The following RIC1 variants were observed in gnomAD, a reference collection of about 807,000 sequenced individuals.
The protein encoded by RIC1 is guanine nucleotide exchange factor subunit RIC1.
In RIC1, 88 loss-of-function variants were observed where a neutral mutation model predicts 169.0. The ratio of observed to expected loss-of-function variants is 0.52; its 90% CI spans 0.44 to 0.62. The LOEUF is 0.62. RIC1 is among the 20% of genes least tolerant of loss of function. The pLI, the probability that RIC1 is intolerant of heterozygous loss-of-function variation, is 0.00. For missense variants in RIC1, 1,877 were observed against 1,725.5 expected (o/e 1.09, Z -1.56); for synonymous variants, 790 against 601.5 (o/e 1.31, Z -4.59).
chr9:5,631,860 A>T (rs1309841043), intron 1 of RIC1, among the ~76,000 whole-genome samples: 1 of 152,068 alleles, frequency 6.6e-6, no homozygotes, highest in Non-Finnish European at 1.5e-5. Flanking sequence ...TAATTTGTAA[A>T]CTTCCTGAAA....
intron 2 of RIC1, among the ~76,000 whole-genome samples, chr9:5,679,625 G>T (rs1348958995): frequency 2.6e-5 from 4 of 152,100 alleles, no homozygotes; most frequent in East Asian, 1.9e-4. Context: ...GTTCACTCAT[G>T]ATTTGGCTCT....
Position 5,757,449 on chromosome 9 carries a change from C to G in RIC1, c.1990C>G (p.Gln664Glu). The change falls in exon 17 of 26, where the codon CAG becomes GAG. Residue 664 changes from glutamine (Q) to glutamate (E), a missense_variant and splice_region_variant. By Grantham distance (29) the Gln-to-Glu change is conservative. Coordinates refer to ENST00000414202, the MANE Select transcript of RIC1 (RefSeq NM_020829.4). ...ENGITLKMPQ[Q>E]ARGAESIMLN... Reference sequence around the variant, plus strand: ...TGGAATCACCTTGAAAATGCCACAGCAGGTACCACTCCATTATCAAAGGTC... The same window carrying G: ...TGGAATCACCTTGAAAATGCCACAGGAGGTACCACTCCATTATCAAAGGTC... The G allele has an allele frequency of 6.2e-7, 1 of 1,613,936 alleles. No homozygotes were observed. The highest frequency in any genetic ancestry group is 1.3e-5 in the African/African-American group (1 of 75,032).
intron 2 of RIC1, among the ~76,000 whole-genome samples, chr9:5,673,387 C>A (rs181043751): frequency 7.2e-4 from 109 of 151,660 alleles, no homozygotes; most frequent in African/African-American, 2.5e-3. Context: ...ATTCTAGGAA[C>A]AAGTAGAGTG....
rs1029682272 is a variant in RIC1 at position 5,720,446 on chromosome 9, T to G, written c.583+122T>G. ...TGCAAGGGGAGAGGTGGGCAGAGTA[T>G]GAGAGGCGGGGTGAGAGAGGCATTT... On this transcript the variant is annotated intron_variant, in intron 5 of 25. Transcript: ENST00000414202. 22 of 1,185,578 alleles carry G rather than the reference T, an allele frequency of 1.9e-5. 1 individual carries two copies. In the East Asian group the frequency reaches 1.9e-4, roughly 10 times the overall value. The allele number at this position is 1,185,578 out of a possible 1,614,324, so 73.4% of individuals were successfully genotyped here.
At chr9:5,629,533 G>A in intron 1 of RIC1, 80 bp downstream of exon 1, 1 of 1,416,240 alleles carries the variant, frequency 7.1e-7, no homozygotes, top group Non-Finnish European at 9.3e-7. Flanking sequence ...TCCACCCAGA[G>A]CCTAGGACTC....
intron 3 of RIC1, among the ~76,000 whole-genome samples, chr9:5,693,905 T>G (rs1821738956): frequency 1.6e-5 from 2 of 124,156 alleles, no homozygotes; most frequent in South Asian, 4.6e-4. Flanking sequence ...AGGCTGAGTT[T>G]CTTTAAAAAA....
At chr9:5,666,693 C>G (rs772691864) in intron 2 of RIC1, among the ~76,000 whole-genome samples, 7 of 152,088 alleles carry the variant, frequency 4.6e-5, no homozygotes, top group Non-Finnish European at 8.8e-5. Context: ...GATTGATTTT[C>G]CTACATTGAA....
chr9:5,676,630 C>T (rs1188345063), intron 2 of RIC1, among the ~76,000 whole-genome samples: 3 of 152,058 alleles, frequency 2.0e-5, no homozygotes, highest in Non-Finnish European at 4.4e-5. Flanking sequence ...ATCTCCTTAT[C>T]AATTTGTATC....
chr9:5,743,525 T>C (rs1262991491), intron 9 of RIC1, among the ~76,000 whole-genome samples, 164 bp from the exon 10 acceptor site: 4 of 152,206 alleles, frequency 2.6e-5, no homozygotes, highest in Non-Finnish European at 5.9e-5. Flanking sequence ...CTGAGAGATA[T>C]ATACACCTAG....
rs1563733913 is a variant in RIC1, at chr9:5,776,191, C to G, written c.*1945C>G. 1.3e-5 allele frequency: 2 copies of G among 152,104 alleles called. No individual in the cohort carries two copies. Among genetic ancestry groups the G allele is most frequent in the African/African-American group, 4.8e-5 (2 of 41,436 alleles). 9.4% of individuals were successfully genotyped at this position (152,104 alleles called of 1,614,324 possible). A position where few individuals can be genotyped will look rare whatever the true frequency, so the allele number is the denominator to read the frequency against. ...GGGTTAGGCCGTGAATGAATCATTT[C>G]TTTTATACAATATTCTTTTACAACT... On this transcript the variant is annotated 3_prime_UTR_variant, in exon 26 of 26. Coordinates refer to ENST00000414202, the MANE Select transcript of RIC1 (RefSeq NM_020829.4).
At chr9:5,651,659 G>C (rs1188852598) in intron 1 of RIC1, among the ~76,000 whole-genome samples, 1 of 149,434 alleles carries the variant, frequency 6.7e-6, no homozygotes, top group East Asian at 2.0e-4. Flanking sequence ...CACCTCCTGG[G>C]TTCAAGTGAT....
chr9:5,753,095 C>A, intron 12 of RIC1, 105 bp from the exon 13 acceptor site: 1 of 1,022,704 alleles, frequency 9.8e-7, no homozygotes, highest in Non-Finnish European at 1.5e-6. Context: ...TAGGGGGCAC[C>A]TTAAACATTG....
At chr9:5,692,505 C>G (rs1821644139) in intron 3 of RIC1, among the ~76,000 whole-genome samples, 1 of 151,844 alleles carries the variant, frequency 6.6e-6, no homozygotes, top group Non-Finnish European at 1.5e-5. Flanking sequence ...TGATATTTTA[C>G]TTCTTTGCCA....
chr9:5,642,205 C>G (rs1818285166), intron 1 of RIC1, among the ~76,000 whole-genome samples: 1 of 145,142 alleles, frequency 6.9e-6, no homozygotes, highest in Non-Finnish European at 1.5e-5. Flanking sequence ...CGTAGAGACT[C>G]TTGTTCTTTT....
At chr9:5,652,250 A>G (rs370631869) in intron 1 of RIC1, among the ~76,000 whole-genome samples, 45 of 152,228 alleles carry the variant, frequency 3.0e-4, no homozygotes, top group African/African-American at 1.0e-3. Flanking sequence ...TGTGAGGCAT[A>G]TCATTGGTAT....
chr9:5,713,929 T>G lies in RIC1; in HGVS notation c.366T>G (p.Phe122Leu). ...CACAAATGAAGGGGACACCCCATTT[T>G]AAGGAAGAACAGTGTGCTCCAGCAT... ...GSPQMKGTPHFKEEQCAPALN... is the reference protein window; with the variant it reads ...GSPQMKGTPHLKEEQCAPALN... The change falls in exon 4 of 26, where the codon TTT becomes TTG. Residue 122 changes from phenylalanine to leucine, a missense_variant. Coordinates refer to ENST00000414202, the MANE Select transcript of RIC1 (RefSeq NM_020829.4). 6.2e-7 allele frequency: 1 copy of G among 1,613,208 alleles called. No individual in the cohort carries two copies. The highest frequency in any genetic ancestry group is 8.5e-7 in the Non-Finnish European group (1 of 1,179,390).
At chr9:5,646,458 A>G (rs1818518356) in intron 1 of RIC1, among the ~76,000 whole-genome samples, 1 of 152,190 alleles carries the variant, frequency 6.6e-6, no homozygotes, top group Non-Finnish European at 1.5e-5. Flanking sequence ...GACAATAGAA[A>G]TTTTATATAG....
chr9:5,734,189 C>G (rs932990019), intron 7 of RIC1, among the ~76,000 whole-genome samples: 5 of 151,778 alleles, frequency 3.3e-5, no homozygotes, highest in African/African-American at 1.2e-4. Context: ...TCACCGCAAC[C>G]TCTGCCTCCT....
chr9:5,679,509 A>C (rs1267918875), intron 2 of RIC1, among the ~76,000 whole-genome samples: 9 of 152,050 alleles, frequency 5.9e-5, no homozygotes, highest in Non-Finnish European at 1.2e-4. Flanking sequence ...ATCCTCTTTT[A>C]TTTCATTGGG....
Sources: gnomAD v4.1 joint callset for allele counts (sites outside exome capture counted in the v4.1 genomes callset) on GRCh38, gnomAD v4.1.1 for gene constraint, MANE v1.5 for transcripts, NCBI Gene and HGNC (gene_info 2026-07-23, HGNC 2026-07-21) for gene names.